Variants in DISC1 observed in about 807,000 individuals in gnomAD.
DISC1 encodes disrupted in schizophrenia 1 protein.
In DISC1, 57 loss-of-function variants were observed where a neutral mutation model predicts 84.5. The ratio of observed to expected loss-of-function variants is 0.67; its 90% CI spans 0.55 to 0.84. The LOEUF is 0.84. Ranked by LOEUF, DISC1 falls within the 40% of genes least tolerant of loss-of-function variation. The pLI is 0.00. For missense variants in DISC1, 1,000 were observed against 1,057.8 expected, an observed-to-expected ratio of 0.95 and a Z score of 0.76; for synonymous variants, 411 against 415.2, an observed-to-expected ratio of 0.99 and a Z score of 0.12.
intron 6 of DISC1, among the ~76,000 whole-genome samples, chr1:231,792,229 A>T (rs897094456): frequency 4.6e-5 from 7 of 152,244 alleles, no homozygotes; most frequent in Non-Finnish European, 1.0e-4. Context: ...GCATTTAATT[A>T]TCTGCATCAC....
intron 4 of DISC1, among the ~76,000 whole-genome samples, chr1:231,760,177 C>CAT (rs1344448879): frequency 6.6e-6 from 1 of 152,100 alleles, no homozygotes; most frequent in Non-Finnish European, 1.5e-5. Flanking sequence ...AGACCCAAAT[C>CAT]ATATATATAT....
At chr1:231,978,348 GA>G (rs1252226340) in intron 10 of DISC1, among the ~76,000 whole-genome samples, 1 of 152,242 alleles carries the variant, frequency 6.6e-6, no homozygotes, top group Non-Finnish European at 1.5e-5. Context: ...ATTACTTCAT[GA>G]GGGGGGGTTA....
intron 6 of DISC1, chr1:231,774,758 A>G (rs1019961531): frequency 2.2e-6 from 1 of 455,958 alleles, no homozygotes. Flanking sequence ...GGGCTGCAGC[A>G]TGGATCTGCA....
chr1:231,869,711 C>T (rs1484818969), intron 9 of DISC1, among the ~76,000 whole-genome samples: 2 of 152,084 alleles, frequency 1.3e-5, no homozygotes, highest in African/African-American at 4.8e-5. Context: ...GTGACCTGCA[C>T]CTATGCCTCA....
chr1:231,800,348 T>G, intron 8 of DISC1, 138 bp downstream of exon 8: 1 of 751,612 alleles, frequency 1.3e-6, no homozygotes, highest in South Asian at 1.5e-5. Flanking sequence ...CTGGGAAGTT[T>G]CACTAATATG....
intron 9 of DISC1, among the ~76,000 whole-genome samples, chr1:231,846,091 T>C (rs921391721): frequency 2.0e-5 from 3 of 151,784 alleles, no homozygotes; most frequent in African/African-American, 7.3e-5. Context: ...TACCTGAAGG[T>C]AGAGCCACGT....
chr1:231,737,948 C>G (rs546428506), intron 3 of DISC1, among the ~76,000 whole-genome samples: 1 of 152,190 alleles, frequency 6.6e-6, no homozygotes, highest in Non-Finnish European at 1.5e-5. Flanking sequence ...ACCTCTGCCT[C>G]CTGGGCTCAA....
intron 10 of DISC1, among the ~76,000 whole-genome samples, chr1:232,003,558 A>G (rs1415303925): frequency 6.6e-6 from 1 of 152,144 alleles, no homozygotes; most frequent in Non-Finnish European, 1.5e-5. Flanking sequence ...TAGATGAAGC[A>G]AACAACAAGA....
chr1:231,767,259 A>G lies in DISC1; in HGVS notation c.1388A>G (p.Gln463Arg), dbSNP rs2076234010. The change falls in exon 5 of 13, where the codon CAG (glutamine) becomes CGG (arginine). Residue 463 changes from glutamine (Q) to arginine (R), a missense_variant. By Grantham distance (43) the Gln-to-Arg change is conservative (BLOSUM62 1). Transcript: ENST00000439617. ...CGAGACTGGCTTCTTCAGGAAAAGC[A>G]GCAGCTACAGGTGAGCAGGTGAAAG... ...TRRDWLLQEK[Q>R]QLQKEIEALQ... 1.2e-6 allele frequency: 2 copies of G among 1,614,218 alleles called. No individual in the cohort carries two copies.
At chr1:231,990,697 TG>T (rs1665089014) in intron 10 of DISC1, among the ~76,000 whole-genome samples, 1 of 152,194 alleles carries the variant, frequency 6.6e-6, no homozygotes, top group African/African-American at 2.4e-5. Flanking sequence ...TTACATCTTT[TG>T]GGTTTGGGCA....
chr1:231,679,039 A>G (rs2063448212), intron 1 of DISC1, among the ~76,000 whole-genome samples: 1 of 152,114 alleles, frequency 6.6e-6, no homozygotes, highest in Non-Finnish European at 1.5e-5. Context: ...TTCTTTTCTA[A>G]TGGATAGTGG....
At chr1:231,888,909 A>C (rs1444629317) in intron 9 of DISC1, among the ~76,000 whole-genome samples, 1 of 152,056 alleles carries the variant, frequency 6.6e-6, no homozygotes, top group Non-Finnish European at 1.5e-5. Flanking sequence ...TAAAAGATAG[A>C]ATTCCCGATG....
At chr1:231,923,307 C>CAAAAAAAAAAAAAAAAAAAAAAA (rs1461560372) in intron 9 of DISC1, among the ~76,000 whole-genome samples, 1 of 138,534 alleles carries the variant, frequency 7.2e-6, no homozygotes, top group African/African-American at 2.7e-5. Flanking sequence ...CAAAAAAAAC[C>CAAAAAAAAAAAAAAAAAAAAAAA]AAAAAAAAAA....
intron 3 of DISC1, among the ~76,000 whole-genome samples, chr1:231,713,078 G>A (rs922924246): frequency 1.3e-5 from 2 of 152,200 alleles, no homozygotes; most frequent in Non-Finnish European, 2.9e-5. Context: ...CCCCAGCACA[G>A]AGCCAATCTG....
chr1:231,930,010 C>G (rs1312867189), intron 9 of DISC1, among the ~76,000 whole-genome samples: 1 of 152,108 alleles, frequency 6.6e-6, no homozygotes, highest in Non-Finnish European at 1.5e-5. Context: ...ACCCTGTTAG[C>G]CCTGGACATC....
intron 1 of DISC1, among the ~76,000 whole-genome samples, chr1:231,635,585 A>G (rs17747077): frequency 0.034 from 5,246 of 152,270 alleles, 124 homozygotes; most frequent in Middle Eastern, 0.071. Flanking sequence ...TCCCTCATCT[A>G]TGTAGTACAC....
rs180990696 is a variant in DISC1, at chr1:232,014,977, A to T, written c.2307+5928A>T. Reference sequence around the variant, plus strand: ...ATAACTGGCCTACAGAAGTGAAGAAACAAATGCAACTTGACCAATAGAAAC... The same window carrying T: ...ATAACTGGCCTACAGAAGTGAAGAATCAAATGCAACTTGACCAATAGAAAC... On this transcript the variant is annotated intron_variant, in intron 11 of 12. Transcript: ENST00000439617. Among the ~76,000 whole-genome samples, 5 of 152,356 alleles carry T rather than the reference A, an allele frequency of 3.3e-5. No individual in the cohort carries two copies. In the East Asian group the frequency reaches 9.6e-4, roughly 29 times the overall value.
At chr1:231,722,946 G>A in intron 3 of DISC1, 4 of 1,215,024 alleles carry the variant, frequency 3.3e-6, no homozygotes, top group Non-Finnish European at 4.1e-6. Context: ...AAAAGCAAAT[G>A]GAAAAATATG....
rs150867478 is a variant in DISC1, at chr1:231,987,166, T to C, written c.2043-21619T>C. 3.0e-4 allele frequency among the ~76,000 whole-genome samples: 45 copies of C among 152,346 alleles called. No individual in the cohort carries two copies. In the East Asian group the frequency reaches 8.5e-3, roughly 29 times the overall value. On this transcript the variant is annotated intron_variant, in intron 10 of 12. Transcript: ENST00000439617. Reference sequence around the variant, plus strand: ...GTGGAGTGAAAGAAGAAAATAATTTTATTGTGCTATTTTTAGACTTCAATT... The same window carrying C: ...GTGGAGTGAAAGAAGAAAATAATTTCATTGTGCTATTTTTAGACTTCAATT...
Sources: gnomAD v4.1 joint callset for allele counts (sites outside exome capture counted in the v4.1 genomes callset) on GRCh38, gnomAD v4.1.1 for gene constraint, MANE v1.5 for transcripts, NCBI Gene and HGNC (gene_info 2026-07-23, HGNC 2026-07-21) for gene names.